Variants in ERCC6L2 observed in about 807,000 individuals in gnomAD.
ERCC6L2 encodes the protein ERCC excision repair 6 like 2.
Under a neutral mutation model 132.0 loss-of-function variants are expected in ERCC6L2, and 77 were observed. The ratio of observed to expected loss-of-function variants is 0.58; its 90% CI spans 0.49 to 0.71. The LOEUF is 0.71. ERCC6L2 is among the 30% of genes least tolerant of loss of function. The pLI, the probability that ERCC6L2 is intolerant of heterozygous loss-of-function variation, is 0.00. For missense variants in ERCC6L2, 1,542 were observed against 1,837.6 expected (o/e 0.84, Z 2.94); for synonymous variants, 583 against 632.4 (o/e 0.92, Z 1.17).
At chr9:95,993,613 A>G (rs1833375224) in intron 17 of ERCC6L2, among the ~76,000 whole-genome samples, 1 of 152,184 alleles carries the variant, frequency 6.6e-6, no homozygotes, top group Non-Finnish European at 1.5e-5. Flanking sequence ...CTGAATTTCC[A>G]CAAGCAGCTT....
Position 96,013,328 on chromosome 9 carries a change from G to T in ERCC6L2, c.*125G>T. 1 of 881,928 alleles carries T rather than the reference G, an allele frequency of 1.1e-6. No individual in the cohort carries two copies. Among genetic ancestry groups the T allele is most frequent in the Non-Finnish European group, 1.5e-6 (1 of 656,886 alleles). 54.6% of individuals were successfully genotyped at this position (881,928 alleles called of 1,614,324 possible). A position where few individuals can be genotyped will look rare whatever the true frequency, so the allele number is the denominator to read the frequency against. ...ATATTTTTATTAAATTATTGCTTTA[G>T]GATTTTTTGAAGTCTAAAGTATTGT... On this transcript the variant is annotated 3_prime_UTR_variant, in exon 19 of 19. Coordinates refer to ENST00000653738, the MANE Select transcript of ERCC6L2 (RefSeq NM_020207.7).
At position 95,916,291 on chromosome 9, in the gene ERCC6L2, C is replaced by T. The variant is rs1829583746; in HGVS notation, c.1015C>T (p.His339Tyr). 2 of 1,613,990 alleles carry T rather than the reference C, an allele frequency of 1.2e-6. No individual in the cohort carries two copies. Among genetic ancestry groups the T allele is most frequent in the East Asian group, 2.2e-5 (1 of 44,866 alleles). ...FKKQFSDPVE[H>Y]GQRHTATKRE... ...GAAGCAGTTTTCTGACCCAGTAGAA[C>T]ATGGTCAGAGACACACGGCAACAAA... is the stretch of plus-strand genomic sequence containing the variant. Residue 339 changes from histidine (H) to tyrosine (Y), a missense_variant, in exon 6 of 19, where the codon CAT becomes TAT. This residue lies in a region of ERCC6L2 where 945 missense variants were observed against 1,105.2 expected (regional missense o/e 0.86). Coordinates refer to ENST00000653738, the MANE Select transcript of ERCC6L2 (RefSeq NM_020207.7).
chr9:95,876,001 G>T lies in ERCC6L2; in HGVS notation c.-38G>T. The T allele has an allele frequency of 6.4e-7, 1 of 1,569,164 alleles. No homozygotes were observed. Among genetic ancestry groups the T allele is most frequent in the Non-Finnish European group, 8.6e-7 (1 of 1,158,280 alleles). On this transcript the variant is annotated 5_prime_UTR_variant, in exon 1 of 19. Transcript: ENST00000653738. Reference sequence around the variant, plus strand: ...TGCTGTCCTCCGCCGCCTTCCGGGTGTTACATGCAGCCGGGCTCGGCCCCT... The same window carrying T: ...TGCTGTCCTCCGCCGCCTTCCGGGTTTTACATGCAGCCGGGCTCGGCCCCT...
Position 95,966,154 on chromosome 9 carries a change from ATTAC to A in ERCC6L2, c.1948-405_1948-402del, listed in dbSNP as rs368048098. Among the ~76,000 whole-genome samples the A allele has an allele frequency of 4.1e-3, 623 of 152,330 alleles. 7 individuals are homozygous for A. The highest frequency in any genetic ancestry group is 0.014 in the African/African-American group (594 of 41,572). On this transcript the variant is annotated intron_variant, in intron 13 of 18. Transcript: ENST00000653738. ...TTGACACCAAGGTGGTTATCATATCATTACTTTAGATTGTAATTTAACTTCAGTG... is the reference window on the plus strand; with the variant it reads ...TTGACACCAAGGTGGTTATCATATCATTTAGATTGTAATTTAACTTCAGTG...
At chr9:95,911,268 C>A (rs1185604356) in intron 4 of ERCC6L2, among the ~76,000 whole-genome samples, 1 of 152,158 alleles carries the variant, frequency 6.6e-6, no homozygotes, top group South Asian at 2.1e-4. Context: ...GTAATAAATT[C>A]TTCTATCATA....
intron 18 of ERCC6L2, among the ~76,000 whole-genome samples, chr9:96,006,997 A>C (rs1833884444): frequency 6.6e-6 from 1 of 152,180 alleles, no homozygotes. Context: ...ACAAGTAGAA[A>C]GATGGCTGGG....
At chr9:95,912,475 C>T (rs962880466) in intron 4 of ERCC6L2, among the ~76,000 whole-genome samples, 43 of 152,026 alleles carry the variant, frequency 2.8e-4, no homozygotes, top group African/African-American at 9.6e-4. Flanking sequence ...TCTTTGTGTA[C>T]GGTGGTGGTA....
At chr9:96,021,286 A>G (rs924118780), downstream of ERCC6L2, 2 of 339,752 alleles carry the variant, frequency 5.9e-6, no homozygotes, top group South Asian at 2.2e-5. This position sits in a 1 kb window ranked among gnomAD's most constrained non-coding sequence, Gnocchi z 4.7. Flanking sequence ...TTTTCTCTGT[A>G]AAGAAAAGAG....
At chr9:95,987,953 G>A (rs546551202) in intron 17 of ERCC6L2, among the ~76,000 whole-genome samples, 12 of 152,284 alleles carry the variant, frequency 7.9e-5, no homozygotes, top group South Asian at 4.1e-4. Flanking sequence ...TCAACACCAC[G>A]TGGAAGCTGC....
chr9:96,022,390 TGTGTC>T (rs1268379729), downstream of ERCC6L2, among the ~76,000 whole-genome samples: 1 of 152,190 alleles, frequency 6.6e-6, no homozygotes, highest in Non-Finnish European at 1.5e-5. Flanking sequence ...GCCCGTATTG[TGTGTC>T]GTTTGTTAAA....
intron 10 of ERCC6L2, 46 bp from the exon 11 acceptor site, chr9:95,928,673 A>T (rs768940918): frequency 6.5e-6 from 10 of 1,531,800 alleles, no homozygotes; most frequent in Non-Finnish European, 8.8e-6. Flanking sequence ...TCTGAAACTT[A>T]CTTAACCAAG....
intron 18 of ERCC6L2, 138 bp from the exon 19 acceptor site, chr9:96,012,087 A>C (rs913187223): frequency 4.4e-6 from 2 of 451,892 alleles, no homozygotes; most frequent in Non-Finnish European, 6.7e-6. Context: ...ATGCGTTTTC[A>C]TTGTGGAATT....
chr9:95,901,737 G>A (rs1169361508), intron 3 of ERCC6L2, among the ~76,000 whole-genome samples: 1 of 152,104 alleles, frequency 6.6e-6, no homozygotes, highest in Non-Finnish European at 1.5e-5. Context: ...GATTTATTAT[G>A]TTTGTTCTTT....
intron 18 of ERCC6L2, among the ~76,000 whole-genome samples, chr9:96,006,382 C>G (rs1003665928): frequency 2.0e-5 from 3 of 152,216 alleles, no homozygotes; most frequent in Middle Eastern, 3.2e-3. Flanking sequence ...AAACTGCCCA[C>G]TGAAGACAGC....
At chr9:95,913,742 A>G (rs1829452003) in intron 4 of ERCC6L2, among the ~76,000 whole-genome samples, 1 of 152,230 alleles carries the variant, frequency 6.6e-6, no homozygotes, top group South Asian at 2.1e-4. Context: ...TATTTCATAT[A>G]AATGGAGCCA....
intron 19 of ERCC6L2, among the ~76,000 whole-genome samples, chr9:96,031,083 C>T (rs746660196): frequency 6.6e-6 from 1 of 152,216 alleles, no homozygotes; most frequent in Non-Finnish European, 1.5e-5. Context: ...CATTTTAAAG[C>T]ACTGCATTCA....
intron 4 of ERCC6L2, among the ~76,000 whole-genome samples, chr9:95,907,836 C>A (rs866175906): frequency 1.2e-5 from 1 of 81,128 alleles, no homozygotes; most frequent in Admixed American, 1.3e-4. Context: ...TACACACACA[C>A]ACACACACAC....
At chr9:95,884,213 C>T (rs1827744763) in intron 2 of ERCC6L2, among the ~76,000 whole-genome samples, 1 of 152,114 alleles carries the variant, frequency 6.6e-6, no homozygotes, top group African/African-American at 2.4e-5. Flanking sequence ...AATTTTGATA[C>T]TCAGATGGAT....
intron 7 of ERCC6L2, 21 bp downstream of exon 7, chr9:95,921,336 T>C: frequency 1.3e-6 from 2 of 1,596,248 alleles, no homozygotes; most frequent in Non-Finnish European, 1.7e-6. Context: ...CAATATATCT[T>C]TATAATCATG....
Sources: gnomAD v4.1 joint callset for allele counts (sites outside exome capture counted in the v4.1 genomes callset) on GRCh38, gnomAD v4.1.1 for gene constraint, gnomAD v4.1.1 regional missense constraint, Gnocchi (gnomAD v3.1) non-coding constraint, MANE v1.5 for transcripts, NCBI Gene and HGNC (gene_info 2026-07-23, HGNC 2026-07-21) for gene names.